The following MTCH1 variants were observed in gnomAD, a reference collection of about 807,000 sequenced individuals.
MTCH1 encodes the protein mitochondrial carrier homolog 1.
In MTCH1, 23 loss-of-function variants were observed where a neutral mutation model predicts 49.3. The observed-to-expected ratio is 0.47, with a 90% CI of 0.34 to 0.66. The LOEUF is 0.66. Ranked by LOEUF, MTCH1 falls within the 30% of genes least tolerant of loss-of-function variation. The pLI, the probability that MTCH1 is intolerant of heterozygous loss-of-function variation, is 0.01. For missense variants in MTCH1, 397 were observed against 532.1 expected (o/e 0.75, Z 2.50); for synonymous variants, 229 against 215.2 (o/e 1.06, Z -0.56).
At chr6:36,971,748 C>A (rs1052043963) in intron 8 of MTCH1, among the ~76,000 whole-genome samples, 2 of 152,156 alleles carry the variant, frequency 1.3e-5, no homozygotes, top group Non-Finnish European at 2.9e-5. Flanking sequence ...GTGATTCTGG[C>A]AGACACGTCC....
rs544684440 is a variant in MTCH1, at chr6:36,970,132, T to C, written c.1023-18A>G. ...CTTGCAGCCTGCCGGAGAAGGAGAG[T>C]GTAGATGCAGAGAACAGTGGAAGAC... On this transcript the variant is annotated intron_variant, in intron 10 of 11. Coordinates refer to ENST00000373627, the MANE Select transcript of MTCH1 (RefSeq NM_001271641.2). 4 of 1,611,570 alleles carry C rather than the reference T, an allele frequency of 2.5e-6. No homozygotes were observed. Among genetic ancestry groups the C allele is most frequent in the Non-Finnish European group, 3.4e-6 (4 of 1,178,732 alleles).
chr6:36,969,436 G>A lies in MTCH1; in HGVS notation c.1099-462C>T, dbSNP rs1181354979. 68 of 1,066,816 alleles carry A rather than the reference G, an allele frequency of 6.4e-5. No homozygotes were observed. In the Admixed American group the frequency reaches 3.4e-3, roughly 53 times the overall value. 66.1% of individuals were successfully genotyped at this position (1,066,816 alleles called of 1,614,324 possible). ...TTCACTGCGAGGCAAATCAAGGCCA[G>A]GAAAAGGCAAGGTTCTGCCCTCGGC... On this transcript the variant is annotated intron_variant, in intron 11 of 11. Coordinates refer to ENST00000373627, the MANE Select transcript of MTCH1 (RefSeq NM_001271641.2).
At chr6:36,969,522 T>C (rs1370006481) in intron 11 of MTCH1, 3 of 1,118,458 alleles carry the variant, frequency 2.7e-6, no homozygotes, top group Non-Finnish European at 3.3e-6. Flanking sequence ...GTAGCTTCGG[T>C]ACAGAACACG....
intron 1 of MTCH1, among the ~76,000 whole-genome samples, chr6:36,985,180 A>T (rs975765567): frequency 6.6e-6 from 1 of 151,430 alleles, no homozygotes; most frequent in African/African-American, 2.4e-5. Flanking sequence ...ATTCCCCTGC[A>T]AAAGTCTTTG....
rs538670976 is a variant in MTCH1, at chr6:36,978,538, G to A, written c.480C>T (p.Ala160=). ...TGCTACCCCGAGTCACAGTAGAGAG[G>A]GCGTTGGACATCAGCCGGGGACTCA... is the stretch of plus-strand genomic sequence containing the variant. ...RGLSPRLMSN[A]LSTVTRGSMK... The change falls in exon 3 of 12, where the codon GCC becomes GCT. Residue 160 remains alanine (A), a synonymous_variant. Coordinates refer to ENST00000373627, the MANE Select transcript of MTCH1 (RefSeq NM_001271641.2). 1.2e-6 allele frequency: 2 copies of A among 1,614,162 alleles called. No individual in the cohort carries two copies. The highest frequency in any genetic ancestry group is 1.7e-6 in the Non-Finnish European group (2 of 1,180,022).
At chr6:36,974,212 T>C (rs762764343) in intron 7 of MTCH1, among the ~76,000 whole-genome samples, 45 of 152,106 alleles carry the variant, frequency 3.0e-4, no homozygotes, top group Non-Finnish European at 5.1e-4. Context: ...ATTTTTTTTT[T>C]CCCCAAGAGA....
chr6:36,986,400 C>G (rs982802505), upstream of MTCH1: 10 of 357,042 alleles, frequency 2.8e-5, no homozygotes, highest in East Asian at 4.5e-5. Flanking sequence ...GCCCCGGGCT[C>G]GGGAGCTGTG....
rs1308689987 is a variant in MTCH1 at position 36,972,839 on chromosome 6, AGCAGTTCCTGGGGG to A, written c.762-57_762-44del. 5 of 1,520,898 alleles carry A rather than the reference AGCAGTTCCTGGGGG, an allele frequency of 3.3e-6. No individual in the cohort carries two copies. In the East Asian group the frequency reaches 1.2e-4, roughly 38 times the overall value. The allele number at this position is 1,520,898 out of a possible 1,614,324, so 94.2% of individuals were successfully genotyped here. ...CAGAGATGAGCAGGAGAGGGAGAGG[AGCAGTTCCTGGGGG>A]CTCCACACCCAGGAAGCAGGCAGGG... is the stretch of plus-strand genomic sequence containing the variant. On this transcript the variant is annotated intron_variant, in intron 7 of 11. Coordinates refer to ENST00000373627, the MANE Select transcript of MTCH1 (RefSeq NM_001271641.2). This position sits in a 1 kb window ranked among gnomAD's most constrained non-coding sequence, Gnocchi z 4.1.
In MTCH1 at chr6:36,985,987, G is replaced by A. The variant is rs1764295252; in HGVS notation, c.187C>T (p.Arg63Cys). The A allele has an allele frequency of 2.6e-6, 4 of 1,544,662 alleles. No individual in the cohort carries two copies. Among genetic ancestry groups the A allele is most frequent in the African/African-American group, 2.8e-5 (2 of 72,466 alleles). Reference protein sequence around the residue: ...HPRPAAQPSARRMDGGSGGLG... With the variant: ...HPRPAAQPSACRMDGGSGGLG... ...CCCCCTGACCCGCCATCCATCCTGC[G>A]GGCCGAGGGCTGAGCCGCAGGCCGA... The change falls in exon 1 of 12, where the codon CGC (arginine) becomes TGC (cysteine). Residue 63 changes from arginine to cysteine, a missense_variant. Around this residue, in one of 2 missense-constraint regions of MTCH1, gnomAD observed 145 missense variants for 143.8 expected, o/e 1.01. Coordinates refer to ENST00000373627, the MANE Select transcript of MTCH1 (RefSeq NM_001271641.2).
Position 36,977,252 on chromosome 6 carries a change from T to C in MTCH1, c.650-2A>G. On this transcript the variant is annotated splice_acceptor_variant, in intron 5 of 11. Transcript: ENST00000373627. LOFTEE classifies it high-confidence loss of function. This position sits in a 1 kb window ranked among gnomAD's most constrained non-coding sequence, Gnocchi z 5.4. ...GGACCATGCAGCGCATTGAGATGAC[T>C]GAGGAAAAAAAAGAAAACACACACA... The C allele has an allele frequency of 6.2e-7, 1 of 1,613,766 alleles. No individual in the cohort carries two copies. Among genetic ancestry groups the C allele is most frequent in the Non-Finnish European group, 8.5e-7 (1 of 1,179,926 alleles).
Position 36,977,089 on chromosome 6 carries a change from T to A in MTCH1, c.701+110A>T. On this transcript the variant is annotated intron_variant, in intron 6 of 11. Coordinates refer to ENST00000373627, the MANE Select transcript of MTCH1 (RefSeq NM_001271641.2). The surrounding 1 kb of genome is among the most constrained non-coding windows in gnomAD (Gnocchi z 5.4). ...TCAGAAGCCAGGCAGCAGGCTGAAC[T>A]CACACAGCACTAGGGCAGAAAAGGT... is the stretch of plus-strand genomic sequence containing the variant. The A allele has an allele frequency of 8.7e-7, 1 of 1,148,084 alleles. No homozygotes were observed. The highest frequency in any genetic ancestry group is 2.3e-5 in the East Asian group (1 of 42,648). 71.1% of individuals were successfully genotyped at this position (1,148,084 alleles called of 1,614,324 possible).
At chr6:36,978,681 C>A in intron 2 of MTCH1, 70 bp from the exon 3 acceptor site, 1 of 1,371,132 alleles carries the variant, frequency 7.3e-7, no homozygotes, top group Non-Finnish European at 1.0e-6. Flanking sequence ...GTCACACACA[C>A]CCAGACCAGG....
chr6:36,970,037 A>G lies in MTCH1; in HGVS notation c.1098+2T>C, dbSNP rs1763620884. ...GGCCTCCGCCGTCCAGTGCTTGCTCACCTGCACACTCAGGTACTTCCAGCA... is the reference window on the plus strand; with the variant it reads ...GGCCTCCGCCGTCCAGTGCTTGCTCGCCTGCACACTCAGGTACTTCCAGCA... On this transcript the variant is annotated splice_donor_variant, in intron 11 of 11. Transcript: ENST00000373627. LOFTEE classifies it high-confidence loss of function. 1 of 1,614,022 alleles carries G rather than the reference A, an allele frequency of 6.2e-7. No individual in the cohort carries two copies. The highest frequency in any genetic ancestry group is 1.7e-5 in the Admixed American group (1 of 59,998).
chr6:36,975,567 C>G, intron 7 of MTCH1, 91 bp downstream of exon 7: 2 of 1,302,756 alleles, frequency 1.5e-6, no homozygotes, highest in South Asian at 2.4e-5. Flanking sequence ...AGTGAAGTCC[C>G]AGGCCAGCAG....
intron 6 of MTCH1, chr6:36,976,746 G>A (rs1438021453): frequency 5.3e-6 from 2 of 373,932 alleles, no homozygotes; most frequent in African/African-American, 4.2e-5. Context: ...GCAGATCTAG[G>A]TGAGGGTCTG....
At chr6:36,976,487 C>A in intron 6 of MTCH1, 1 of 470,578 alleles carries the variant, frequency 2.1e-6, no homozygotes. Flanking sequence ...CTTCTGGTCC[C>A]AACTACCAAC....
chr6:36,983,024 C>T (rs1764159334), intron 1 of MTCH1, among the ~76,000 whole-genome samples: 1 of 152,232 alleles, frequency 6.6e-6, no homozygotes, highest in Non-Finnish European at 1.5e-5. Flanking sequence ...GCTTCCAGTG[C>T]TTTTTGGGAT....
intron 6 of MTCH1, chr6:36,976,361 CCTA>C: frequency 2.8e-6 from 1 of 358,498 alleles, no homozygotes; most frequent in South Asian, 2.1e-5. Flanking sequence ...TCAATAACAA[CCTA>C]CTAACAGAGG....
At chr6:36,979,291 G>A (rs1468333675) in intron 2 of MTCH1, among the ~76,000 whole-genome samples, 1 of 152,198 alleles carries the variant, frequency 6.6e-6, no homozygotes, top group Non-Finnish European at 1.5e-5. Flanking sequence ...AAATGTTATG[G>A]AAGCTAGACC....
Sources: gnomAD v4.1 joint callset for allele counts (sites outside exome capture counted in the v4.1 genomes callset) on GRCh38, gnomAD v4.1.1 for gene constraint, gnomAD v4.1.1 regional missense constraint, Gnocchi (gnomAD v3.1) non-coding constraint, MANE v1.5 for transcripts, NCBI Gene and HGNC (gene_info 2026-07-23, HGNC 2026-07-21) for gene names.